OPCML: variants seen among roughly 807,000 people sequenced by gnomAD.
OPCML encodes opioid-binding protein/cell adhesion molecule.
Under a neutral mutation model 37.8 loss-of-function variants are expected in OPCML, and 13 were observed. The observed-to-expected ratio is 0.34, with a 90% confidence interval of 0.22 to 0.55. The LOEUF (loss-of-function observed/expected upper bound fraction) is 0.55, where lower values mean the gene tolerates loss of function less well. Ranked by LOEUF, OPCML falls within the 20% of genes least tolerant of loss-of-function variation. The pLI is 0.91. For synonymous variants in OPCML, 176 were observed against 168.8 expected (o/e 1.04, Z -0.33); for missense variants, 341 against 435.6 (o/e 0.78, Z 1.93).
At chr11:133,243,418 T>C (rs1940803797) in intron 1 of OPCML, among the ~76,000 whole-genome samples, 1 of 152,176 alleles carries the variant, frequency 6.6e-6, no homozygotes, top group Non-Finnish European at 1.5e-5. Context: ...ACCAAATAAC[T>C]TGATCCCAGG....
intron 2 of OPCML, among the ~76,000 whole-genome samples, chr11:132,773,899 G>A (rs187636737): frequency 1.3e-4 from 20 of 152,266 alleles, no homozygotes; most frequent in African/African-American, 3.4e-4. Flanking sequence ...CACCACAGGC[G>A]CTCTGAAAGG....
chr11:133,524,631 C>A (rs570497087), intron 1 of OPCML, among the ~76,000 whole-genome samples: 2 of 152,356 alleles, frequency 1.3e-5, no homozygotes, highest in East Asian at 3.9e-4. Context: ...CACTCTCAGG[C>A]GTGTCTGTCG....
chr11:133,331,629 T>A (rs2136649351), intron 1 of OPCML, among the ~76,000 whole-genome samples: 1 of 152,332 alleles, frequency 6.6e-6, no homozygotes, highest in East Asian at 1.9e-4. Flanking sequence ...GTCAATTACA[T>A]ACTATTTTCT....
At chr11:132,670,254 G>A (rs1035750969) in intron 2 of OPCML, among the ~76,000 whole-genome samples, 1 of 152,056 alleles carries the variant, frequency 6.6e-6, no homozygotes, top group Non-Finnish European at 1.5e-5. Flanking sequence ...TTGAAGAATG[G>A]CGCAAGTCAG....
At chr11:133,116,019 G>A (rs1161368868) in intron 1 of OPCML, among the ~76,000 whole-genome samples, 1 of 152,056 alleles carries the variant, frequency 6.6e-6, no homozygotes, top group African/African-American at 2.4e-5. Flanking sequence ...ACCCAGGCTA[G>A]AGTGCAGTGG....
At chr11:132,971,689 G>A (rs902678366) in intron 1 of OPCML, among the ~76,000 whole-genome samples, 1 of 152,150 alleles carries the variant, frequency 6.6e-6, no homozygotes, top group African/African-American at 2.4e-5. Flanking sequence ...CAAAATTCCA[G>A]GGAGGCTCTG....
At chr11:132,501,087 G>A (rs2096244531) in intron 4 of OPCML, among the ~76,000 whole-genome samples, 1 of 143,058 alleles carries the variant, frequency 7.0e-6, no homozygotes, top group Admixed American at 6.9e-5. Flanking sequence ...GGATTGCTGG[G>A]CCAAATGGTA....
At chr11:132,844,438 G>C (rs114446465) in intron 2 of OPCML, among the ~76,000 whole-genome samples, 6 of 152,272 alleles carry the variant, frequency 3.9e-5, no homozygotes, top group East Asian at 3.9e-4. Flanking sequence ...GGTGCATGGT[G>C]GGGGGAGGTA....
chr11:132,543,265 A>T (rs2096361298), intron 3 of OPCML, among the ~76,000 whole-genome samples: 1 of 152,200 alleles, frequency 6.6e-6, no homozygotes, highest in Non-Finnish European at 1.5e-5. Flanking sequence ...TAATCCCAAC[A>T]CTTTCAGAGG....
chr11:133,196,339 T>C (rs1265297912), intron 1 of OPCML, among the ~76,000 whole-genome samples: 1 of 152,244 alleles, frequency 6.6e-6, no homozygotes. Flanking sequence ...TCAGTCCAAC[T>C]CTTTATCTTT....
At chr11:132,550,285 G>T (rs912366611) in intron 3 of OPCML, among the ~76,000 whole-genome samples, 2 of 152,184 alleles carry the variant, frequency 1.3e-5, no homozygotes, top group South Asian at 4.1e-4. Context: ...CAGTGTTGGA[G>T]GTGGGGCCTG....
chr11:133,027,738 G>A (rs990794496), intron 1 of OPCML, among the ~76,000 whole-genome samples: 4 of 143,034 alleles, frequency 2.8e-5, no homozygotes, highest in Non-Finnish European at 6.1e-5. Flanking sequence ...TGATGTGACT[G>A]TGTGGTGTGA....
chr11:133,024,695 A>C (rs953249063), intron 1 of OPCML: 1 of 832,988 alleles, frequency 1.2e-6, no homozygotes, highest in Non-Finnish European at 1.4e-6. Context: ...GTGGTGGGGG[A>C]TGGGGAGGTT....
chr11:133,088,709 G>A (rs971010897), intron 1 of OPCML, among the ~76,000 whole-genome samples: 11 of 152,152 alleles, frequency 7.2e-5, no homozygotes, highest in Non-Finnish European at 1.5e-4. Flanking sequence ...TGGAACAATA[G>A]AATTATACAA....
At chr11:132,792,328 G>T (rs1937971209) in intron 2 of OPCML, among the ~76,000 whole-genome samples, 2 of 152,076 alleles carry the variant, frequency 1.3e-5, no homozygotes, top group African/African-American at 4.8e-5. Flanking sequence ...GGAATTCAGA[G>T]AATTAAAATA....
At chr11:132,877,158 T>A (rs928177817) in intron 2 of OPCML, among the ~76,000 whole-genome samples, 1 of 152,146 alleles carries the variant, frequency 6.6e-6, no homozygotes, top group African/African-American at 2.4e-5. Context: ...AATATGACTA[T>A]ATTCTGCAGA....
chr11:132,554,615 G>A (rs1032656931), intron 3 of OPCML, among the ~76,000 whole-genome samples: 2 of 152,156 alleles, frequency 1.3e-5, no homozygotes, highest in African/African-American at 4.8e-5. Context: ...ACCTGCTGGG[G>A]TGTCTCAGCT....
At chr11:132,694,955 T>C (rs184704084) in intron 2 of OPCML, among the ~76,000 whole-genome samples, 1 of 152,166 alleles carries the variant, frequency 6.6e-6, no homozygotes, top group Non-Finnish European at 1.5e-5. Context: ...CCTGCGACAT[T>C]AATGGCATAA....
intron 3 of OPCML, among the ~76,000 whole-genome samples, chr11:132,576,886 C>T (rs2096452280): frequency 6.6e-6 from 1 of 152,122 alleles, no homozygotes; most frequent in Non-Finnish European, 1.5e-5. Flanking sequence ...TAGTGTCTGC[C>T]AATCCAAGCT....
Sources: gnomAD v4.1 joint callset for allele counts (sites outside exome capture counted in the v4.1 genomes callset) on GRCh38, gnomAD v4.1.1 for gene constraint, MANE v1.5 for transcripts, NCBI Gene and HGNC (gene_info 2026-07-23, HGNC 2026-07-21) for gene names.